The following DYSF variants were observed in gnomAD, a reference collection of about 807,000 sequenced individuals.
DYSF encodes the protein dysferlin.
DYSF carries 212 observed loss-of-function variants against 274.9 expected under a neutral mutation model. That is an observed-to-expected ratio of 0.77 (90% CI 0.69 to 0.86). The LOEUF is 0.86. Ranked by LOEUF, DYSF falls within the 40% of genes least tolerant of loss-of-function variation. The pLI, the probability that DYSF is intolerant of heterozygous loss-of-function variation, is 0.00. For synonymous variants in DYSF, 1,091 were observed against 1,078.7 expected, an observed-to-expected ratio of 1.01 and a Z score of -0.22; for missense variants, 2,666 against 2,783.2, an observed-to-expected ratio of 0.96 and a Z score of 0.95.
chr2:71,669,222 T>C lies in DYSF; in HGVS notation c.5642+15T>C. ...TATGTGAAAGGGTAGGGAGCCAGCG[T>C]CCTCTTGCCTGTCCAGCTTCCCGCA... is the stretch of plus-strand genomic sequence containing the variant. On this transcript the variant is annotated intron_variant, in intron 50 of 55. Coordinates refer to ENST00000410020, the MANE Select transcript of DYSF (RefSeq NM_001130987.2). The C allele has an allele frequency of 6.3e-7, 1 of 1,586,658 alleles. No individual in the cohort carries two copies. The highest frequency in any genetic ancestry group is 1.7e-4 in the Middle Eastern group (1 of 5,970).
intron 17 of DYSF, among the ~76,000 whole-genome samples, 175 bp downstream of exon 17, chr2:71,539,414 T>G (rs1448133524): frequency 1.3e-5 from 2 of 152,144 alleles, no homozygotes; most frequent in South Asian, 4.1e-4. Flanking sequence ...TTACAGACAC[T>G]TAGGGTTCTC....
At chr2:71,545,291 A>G (rs2090376968) in intron 17 of DYSF, among the ~76,000 whole-genome samples, 4 of 152,240 alleles carry the variant, frequency 2.6e-5, no homozygotes, top group Non-Finnish European at 4.4e-5. Context: ...ACGCAAAGGT[A>G]GAGAATTGTA....
intron 7 of DYSF, 129 bp from the exon 8 acceptor site, chr2:71,515,494 C>T: frequency 7.4e-7 from 1 of 1,358,588 alleles, no homozygotes. Context: ...CTTCCTAATT[C>T]CTTTTTAATA....
intron 4 of DYSF, among the ~76,000 whole-genome samples, chr2:71,508,877 G>T (rs2085777154): frequency 6.6e-6 from 1 of 152,134 alleles, no homozygotes; most frequent in African/African-American, 2.4e-5. Context: ...TTTTGAGACG[G>T]TATGTCACTC....
chr2:71,456,413 G>A (rs985172209), intron 1 of DYSF, among the ~76,000 whole-genome samples: 1 of 152,078 alleles, frequency 6.6e-6, no homozygotes, highest in African/African-American at 2.4e-5. Flanking sequence ...GTGACATTCA[G>A]GCCTGCTCGC....
intron 14 of DYSF, among the ~76,000 whole-genome samples, chr2:71,529,258 T>C (rs896132716): frequency 1.1e-4 from 17 of 152,198 alleles, no homozygotes; most frequent in Admixed American, 1.0e-3. Context: ...CTTTTGACTT[T>C]AAACTTGTCC....
chr2:71,682,425 TG>T (rs2095307749), intron 54 of DYSF, 104 bp from the exon 55 acceptor site: 10 of 1,427,716 alleles, frequency 7.0e-6, no homozygotes, highest in Non-Finnish European at 9.9e-6. Context: ...GCGCTGGGGG[TG>T]GACTGTGGAG....
intron 30 of DYSF, among the ~76,000 whole-genome samples, chr2:71,582,158 C>T (rs539453334): frequency 3.6e-5 from 5 of 140,084 alleles, no homozygotes; most frequent in African/African-American, 7.8e-5. Context: ...ATAGCTGGTA[C>T]TCATTCACCT....
chr2:71,514,325 G>A (rs918295451), intron 7 of DYSF, among the ~76,000 whole-genome samples: 5 of 152,142 alleles, frequency 3.3e-5, no homozygotes, highest in Admixed American at 6.5e-5. Context: ...GACATGCAGA[G>A]TCTACTCAGA....
At chr2:71,659,825 A>T (rs760425) in intron 44 of DYSF, among the ~76,000 whole-genome samples, 5,418 of 152,224 alleles carry the variant, frequency 0.036, 351 homozygotes, top group African/African-American at 0.12. Context: ...AGGAAAGAAG[A>T]GAGGCAGGGG....
chr2:71,544,459 CTTTT>C (rs10656285), intron 17 of DYSF, among the ~76,000 whole-genome samples: 1 of 129,064 alleles, frequency 7.7e-6, no homozygotes, highest in African/African-American at 3.0e-5. Context: ...TAAAAATGTT[CTTTT>C]TTTTTTTTTT....
At chr2:71,618,559 A>T (rs201225234) in intron 40 of DYSF, among the ~76,000 whole-genome samples, 35,327 of 115,784 alleles carry the variant, frequency 0.31, 1,934 homozygotes, top group East Asian at 0.37. Flanking sequence ...GTAGAGGTGG[A>T]GTGTGTGTTT....
Position 71,528,342 on chromosome 2 carries a change from G to A in DYSF, c.1321G>A (p.Glu441Lys), listed in dbSNP as rs886043461. ...MDNVKQIFGF[E>K]SNKKNLVDPF... ...CAACGTGAAACAGATCTTTGGCTTC[G>A]AGAGTAACAAGAAGAACTTGGTGGA... The change falls in exon 14 of 56, where the codon GAG becomes AAG. Residue 441 changes from glutamate to lysine, a missense_variant. Transcript: ENST00000410020. 5.6e-6 allele frequency: 9 copies of A among 1,614,062 alleles called. No homozygotes were observed. The highest frequency in any genetic ancestry group is 1.7e-5 in the Admixed American group (1 of 60,010).
rs191229639 is a variant in DYSF, at chr2:71,685,320, G to A, written c.6322-1134G>A. Among the ~76,000 whole-genome samples, 753 of 152,356 alleles carry A rather than the reference G, an allele frequency of 4.9e-3. 2 individuals carry two copies. The highest frequency in any genetic ancestry group is 9.1e-3 in the Non-Finnish European group (616 of 68,030). On this transcript the variant is annotated intron_variant, in intron 55 of 55. Coordinates refer to ENST00000410020, the MANE Select transcript of DYSF (RefSeq NM_001130987.2). Reference sequence around the variant, plus strand: ...TATGGACCCTGCTTCCCCTCTCCCAGGGCTGGTGTGGGGATGTCAGATCCT... The same window carrying A: ...TATGGACCCTGCTTCCCCTCTCCCAAGGCTGGTGTGGGGATGTCAGATCCT...
At chr2:71,481,844 C>T in intron 2 of DYSF, 35 bp from the exon 3 acceptor site, 2 of 1,564,706 alleles carry the variant, frequency 1.3e-6, no homozygotes, top group Non-Finnish European at 1.8e-6. Flanking sequence ...CCTAGAGGGC[C>T]ATAGGTTAAG....
Position 71,570,949 on chromosome 2 carries a change from A to C in DYSF, c.3228+208A>C, listed in dbSNP as rs143560409. ...ACACAGATCACACCCAGCATACCCA[A>C]AGATCACACCCAGCATACACACAGA... On this transcript the variant is annotated intron_variant, in intron 29 of 55. Transcript: ENST00000410020. The C allele has an allele frequency of 7.6e-3, 4,678 of 616,320 alleles. 65 individuals are homozygous for C. The highest frequency in any genetic ancestry group is 0.016 in the Middle Eastern group (33 of 2,048). 38.2% of individuals were successfully genotyped at this position (616,320 alleles called of 1,614,324 possible).
At chr2:71,549,310 A>ATGCCCACCCT (rs747917116) in intron 17 of DYSF, 5 of 1,604,744 alleles carry the variant, frequency 3.1e-6, no homozygotes, top group Non-Finnish European at 4.3e-6. Context: ...TCTCCCAGCC[A>ATGCCCACCCT]TGCCCACCCT....
At position 71,682,619 on chromosome 2, in the gene DYSF, T is replaced by C; in HGVS notation, c.6263T>C (p.Leu2088Pro). The C allele has an allele frequency of 6.2e-7, 1 of 1,613,842 alleles. No individual in the cohort carries two copies. The highest frequency in any genetic ancestry group is 8.5e-7 in the Non-Finnish European group (1 of 1,179,760). Residue 2088 changes from leucine (L) to proline (P), a missense_variant, in exon 55 of 56, where the codon CTC becomes CCC. By Grantham distance (98) the Leu-to-Pro change is moderately conservative (BLOSUM62 -3). This residue lies in a region of DYSF where 1,460 missense variants were observed against 1,502.1 expected (regional missense o/e 0.97). Coordinates refer to ENST00000410020, the MANE Select transcript of DYSF (RefSeq NM_001130987.2). ...CGGCGTTTCCGGTGGGCCATCATCC[T>C]CTTCATCATCCTCTTCATCCTGCTG... ...LWRRFRWAII[L>P]FIILFILLLF...
Position 71,655,857 on chromosome 2 carries a change from C to T in DYSF, c.4627-305C>T, listed in dbSNP as rs59664907. ...TTGACCAGAAAACCCTATTCCCTAA[C>T]GGAGCTGAACAAATATCTTTCCTTT... On this transcript the variant is annotated intron_variant, in intron 42 of 55. Transcript: ENST00000410020. 0.059 allele frequency among the ~76,000 whole-genome samples: 8,995 copies of T among 152,236 alleles called. 751 individuals are homozygous for T. Among genetic ancestry groups the T allele is most frequent in the African/African-American group, 0.19 (7,677 of 41,494 alleles).
Sources: gnomAD v4.1 joint callset for allele counts (sites outside exome capture counted in the v4.1 genomes callset) on GRCh38, gnomAD v4.1.1 for gene constraint, gnomAD v4.1.1 regional missense constraint, MANE v1.5 for transcripts, NCBI Gene and HGNC (gene_info 2026-07-23, HGNC 2026-07-21) for gene names.